Variants in COL4A1 observed in about 807,000 individuals in gnomAD.
COL4A1 encodes collagen type IV alpha 1 chain, also known as collagen alpha-1(IV) chain.
Under a neutral mutation model 216.6 loss-of-function variants are expected in COL4A1, and 40 were observed. That is an observed-to-expected ratio of 0.18 (90% CI 0.14 to 0.24). The LOEUF (loss-of-function observed/expected upper bound fraction) is 0.24, where lower values mean the gene tolerates loss of function less well. Ranked by LOEUF, COL4A1 falls within the 10% of genes least tolerant of loss-of-function variation. The pLI is 1.00. For synonymous variants in COL4A1, 839 were observed against 810.7 expected (o/e 1.03, Z -0.59); for missense variants, 1,628 against 2,196.8 (o/e 0.74, Z 5.18).
At chr13:110,198,373 G>T (rs977068529) in intron 21 of COL4A1, 94 bp downstream of exon 21, 8 of 1,366,964 alleles carry the variant, frequency 5.9e-6, no homozygotes, top group Admixed American at 1.7e-5. Context: ...TTACACTCTG[G>T]CTGTGGGGGA....
At chr13:110,244,692 C>T (rs1013888570) in intron 1 of COL4A1, among the ~76,000 whole-genome samples, 3 of 152,264 alleles carry the variant, frequency 2.0e-5, no homozygotes, top group African/African-American at 7.2e-5. Flanking sequence ...AGGCTTATCA[C>T]GTTTCTCGTT....
At chr13:110,270,899 T>C (rs941615592) in intron 1 of COL4A1, among the ~76,000 whole-genome samples, 2 of 152,040 alleles carry the variant, frequency 1.3e-5, no homozygotes, top group Admixed American at 1.3e-4. Flanking sequence ...AAGGCTGATT[T>C]CAGGGGTGGG....
rs529441752 is a variant in COL4A1, at chr13:110,185,700, C to T, written c.1897+685G>A. Among the ~76,000 whole-genome samples, 10 of 152,272 alleles carry T rather than the reference C, an allele frequency of 6.6e-5. No individual in the cohort carries two copies. In the East Asian group the frequency reaches 1.7e-3, roughly 27 times the overall value. On this transcript the variant is annotated intron_variant, in intron 26 of 51. Coordinates refer to ENST00000375820, the MANE Select transcript of COL4A1 (RefSeq NM_001845.6). ...CTATTAGCACCTGCTGTGTGCAAGG[C>T]CTAGCGCCACAGCCCCCTCCCGCTG...
chr13:110,192,081 G>T, intron 24 of COL4A1, 133 bp downstream of exon 24: 1 of 877,114 alleles, frequency 1.1e-6, no homozygotes, highest in Non-Finnish European at 1.9e-6. Context: ...ACTCCAGAGG[G>T]CTCGACACAG....
At chr13:110,221,400 CT>C (rs1388425608) in intron 2 of COL4A1, among the ~76,000 whole-genome samples, 2 of 152,186 alleles carry the variant, frequency 1.3e-5, no homozygotes, top group African/African-American at 4.8e-5. Flanking sequence ...ACAAGAATAA[CT>C]CAAGGGGGCC....
chr13:110,206,560 A>G, intron 15 of COL4A1, 105 bp downstream of exon 15: 1 of 1,284,556 alleles, frequency 7.8e-7, no homozygotes, highest in Non-Finnish European at 1.1e-6. Flanking sequence ...GGGATAAACT[A>G]GAAGTCCCTA....
intron 51 of COL4A1, 80 bp downstream of exon 51, chr13:110,152,254 G>C: frequency 6.3e-7 from 1 of 1,580,434 alleles, no homozygotes; most frequent in Non-Finnish European, 8.6e-7. Flanking sequence ...TGCATTGGAA[G>C]GTGTTACGGA....
At position 110,181,397 on chromosome 13, in the gene COL4A1, A is replaced by T. The variant is rs1469256881; in HGVS notation, c.2096-8T>A. ...CAGGTAAGCCGTCAACACCTGTTTT[A>T]AAGAGTCAAAAAAAAAAAACAAACA... On this transcript the variant is annotated splice_polypyrimidine_tract_variant and splice_region_variant and intron_variant, in intron 28 of 51. Transcript: ENST00000375820. The T allele has an allele frequency of 1.9e-6, 3 of 1,603,292 alleles. No homozygotes were observed. Among genetic ancestry groups the T allele is most frequent in the Non-Finnish European group, 2.6e-6 (3 of 1,172,384 alleles).
At chr13:110,231,884 G>C (rs1049763512) in intron 2 of COL4A1, among the ~76,000 whole-genome samples, 1 of 152,218 alleles carries the variant, frequency 6.6e-6, no homozygotes, top group African/African-American at 2.4e-5. Flanking sequence ...ATTAACCTAA[G>C]GCCCTAACAT....
intron 49 of COL4A1, among the ~76,000 whole-genome samples, chr13:110,157,475 T>C (rs895308574): frequency 2.6e-5 from 4 of 152,302 alleles, no homozygotes; most frequent in African/African-American, 9.6e-5. Context: ...TGGAAACCAC[T>C]AAGTTCAGTA....
At chr13:110,302,681 T>C (rs1434583341) in intron 1 of COL4A1, among the ~76,000 whole-genome samples, 1 of 152,228 alleles carries the variant, frequency 6.6e-6, no homozygotes, top group Non-Finnish European at 1.5e-5. Context: ...TCCTACAGTG[T>C]CAAAAGACTC....
At chr13:110,277,222 T>G (rs1883465852) in intron 1 of COL4A1, among the ~76,000 whole-genome samples, 1 of 152,260 alleles carries the variant, frequency 6.6e-6, no homozygotes, top group South Asian at 2.1e-4. Flanking sequence ...CTATTTTTAT[T>G]GGATATTTCT....
rs1566342434 is a variant in COL4A1, at chr13:110,164,908, T to A, written c.4104A>T (p.Pro1368=). The change falls in exon 46 of 52, where the codon CCA becomes CCT. Residue 1368 remains proline (P), a synonymous_variant. Transcript: ENST00000375820. ...EPGLPGPEGP[P]GLKGLQGLPG... ...GCAGTCCCTGAAGCCCTTTCAGCCCTGGGGGGCCCTCAGGACCAGGGAGCC... is the reference window on the plus strand; with the variant it reads ...GCAGTCCCTGAAGCCCTTTCAGCCCAGGGGGGCCCTCAGGACCAGGGAGCC... 6.2e-7 allele frequency: 1 copy of A among 1,608,518 alleles called. No individual in the cohort carries two copies. The highest frequency in any genetic ancestry group is 2.2e-5 in the East Asian group (1 of 44,702).
At chr13:110,192,767 C>A (rs1309058999) in intron 23 of COL4A1, 63 bp downstream of exon 23, 2 of 1,432,812 alleles carry the variant, frequency 1.4e-6, no homozygotes, top group Non-Finnish European at 2.0e-6. Flanking sequence ...ATCCCTTTCA[C>A]AGGAAAGATG....
intron 1 of COL4A1, among the ~76,000 whole-genome samples, chr13:110,292,524 T>G (rs948982415): frequency 6.6e-6 from 1 of 152,136 alleles, no homozygotes; most frequent in African/African-American, 2.4e-5. Context: ...ATTTATAAAG[T>G]AAGGAGATTT....
chr13:110,289,941 C>T lies in COL4A1; in HGVS notation c.84+17003G>A, dbSNP rs187157903. Among the ~76,000 whole-genome samples, 438 of 152,228 alleles carry T rather than the reference C, an allele frequency of 2.9e-3. 2 individuals are homozygous for T. The highest frequency in any genetic ancestry group is 4.8e-3 in the Non-Finnish European group (325 of 68,010). On this transcript the variant is annotated intron_variant, in intron 1 of 51. Coordinates refer to ENST00000375820, the MANE Select transcript of COL4A1 (RefSeq NM_001845.6). The stretch of plus-strand genomic sequence containing the variant: ...CACCCACATCCTCATGGAGGACAAG[C>T]AGGTGGGTTTTAAGGCCCCTGGGAA...
At chr13:110,270,095 C>T (rs983838091) in intron 1 of COL4A1, among the ~76,000 whole-genome samples, 3 of 152,178 alleles carry the variant, frequency 2.0e-5, no homozygotes, top group Non-Finnish European at 2.9e-5. Context: ...GTTTGAAATA[C>T]TTGGTCTGCA....
intron 2 of COL4A1, among the ~76,000 whole-genome samples, chr13:110,229,946 C>T (rs1301857894): frequency 1.3e-5 from 2 of 152,206 alleles, no homozygotes; most frequent in Admixed American, 1.3e-4. Flanking sequence ...GGCCTTGGCT[C>T]TCACTCCACG....
At chr13:110,273,405 G>C (rs1303110800) in intron 1 of COL4A1, among the ~76,000 whole-genome samples, 1 of 152,180 alleles carries the variant, frequency 6.6e-6, no homozygotes, top group Non-Finnish European at 1.5e-5. Context: ...GCATTTTGCA[G>C]AAGCTTTTTT....
Sources: gnomAD v4.1 joint callset for allele counts (sites outside exome capture counted in the v4.1 genomes callset) on GRCh38, gnomAD v4.1.1 for gene constraint, MANE v1.5 for transcripts, NCBI Gene and HGNC (gene_info 2026-07-23, HGNC 2026-07-21) for gene names.